Variants in ITSN1 observed in about 807,000 individuals in gnomAD.
The protein encoded by ITSN1 is intersectin 1, also known as intersectin-1.
ITSN1 carries 58 observed loss-of-function variants against 239.8 expected under a neutral mutation model. That is an observed-to-expected ratio of 0.24 (90% CI 0.20 to 0.30). ITSN1 has a LOEUF of 0.30. ITSN1 is among the 10% of genes least tolerant of loss of function. The probability of loss-of-function intolerance (pLI) is 1.00; values close to 1 mark genes in which losing one functional copy is unlikely to be tolerated. For missense variants in ITSN1, 1,558 were observed against 2,103.3 expected, an observed-to-expected ratio of 0.74 and a Z score of 5.07; for synonymous variants, 780 against 770.8, an observed-to-expected ratio of 1.01 and a Z score of -0.20.
chr21:33,716,548 A>G (rs1465515250), intron 1 of ITSN1: 1 of 152,160 alleles, frequency 6.6e-6, no homozygotes, highest in African/African-American at 2.4e-5. Context: ...AGGTGTCCCA[A>G]TGAAAAGGTA....
chr21:33,810,809 C>G, intron 20 of ITSN1, 166 bp from the exon 21 acceptor site: 2 of 826,512 alleles, frequency 2.4e-6, no homozygotes, highest in Non-Finnish European at 4.2e-6. Context: ...TTTTTTTCAG[C>G]ATTACTGCTT....
At chr21:33,766,774 A>G (rs1215222520) in intron 10 of ITSN1, among the ~76,000 whole-genome samples, 1 of 152,246 alleles carries the variant, frequency 6.6e-6, no homozygotes, top group Non-Finnish European at 1.5e-5. Context: ...CAGATAGCTG[A>G]GGCACTTTGC....
chr21:33,885,585 C>T, intron 38 of ITSN1, 63 bp downstream of exon 38: 1 of 1,222,320 alleles, frequency 8.2e-7, no homozygotes. Flanking sequence ...GGGTTCCCCA[C>T]ACCCCCACCT....
intron 1 of ITSN1, among the ~76,000 whole-genome samples, chr21:33,678,822 T>C (rs1004450444): frequency 6.6e-6 from 1 of 152,186 alleles, no homozygotes; most frequent in South Asian, 2.1e-4. Context: ...TAAGCGATTC[T>C]CCTGCCTCAG....
At chr21:33,783,310 A>G (rs1487298893) in intron 16 of ITSN1, among the ~76,000 whole-genome samples, 1 of 152,200 alleles carries the variant, frequency 6.6e-6, no homozygotes, top group East Asian at 1.9e-4. Context: ...ATAATAGTTG[A>G]CCTTTGGATT....
chr21:33,704,923 TAAAAA>T (rs55966725), intron 1 of ITSN1, among the ~76,000 whole-genome samples: 2 of 93,672 alleles, frequency 2.1e-5, no homozygotes, highest in African/African-American at 8.7e-5. Flanking sequence ...CCATCTCTAC[TAAAAA>T]AAAAAAAAAA....
At chr21:33,668,695 A>C (rs1184815275) in intron 1 of ITSN1, among the ~76,000 whole-genome samples, 1 of 151,878 alleles carries the variant, frequency 6.6e-6, no homozygotes, top group African/African-American at 2.4e-5. Flanking sequence ...ACCTCAAGAG[A>C]TTTTCTTTAC....
rs1014625660 is a variant in ITSN1 at position 33,897,008 on chromosome 21, G to A, written c.*8708G>A. On this transcript the variant is annotated 3_prime_UTR_variant, in exon 40 of 40. Coordinates refer to ENST00000381318, the MANE Select transcript of ITSN1 (RefSeq NM_003024.3). ...TTCCGGACTACGGGAAGTTCTGCAA[G>A]TGTTCTCCAGGGGCATTTCATTAAT... is the stretch of plus-strand genomic sequence containing the variant. 2 of 152,224 alleles carry A rather than the reference G, an allele frequency of 1.3e-5. No homozygotes were observed. The highest frequency in any genetic ancestry group is 4.8e-5 in the African/African-American group (2 of 41,452). 9.4% of individuals were successfully genotyped at this position (152,224 alleles called of 1,614,324 possible). A position where few individuals can be genotyped will look rare whatever the true frequency, so the allele number is the denominator to read the frequency against.
chr21:33,777,993 A>C (rs2069782041), intron 14 of ITSN1, among the ~76,000 whole-genome samples: 1 of 152,212 alleles, frequency 6.6e-6, no homozygotes, highest in South Asian at 2.1e-4. Flanking sequence ...ATGGGTGTTG[A>C]AATAGATCAT....
chr21:33,800,324 ATAC>A (rs552926870), intron 19 of ITSN1, among the ~76,000 whole-genome samples: 66 of 152,024 alleles, frequency 4.3e-4, no homozygotes, highest in African/African-American at 1.6e-3. Context: ...TGTATAATAT[ATAC>A]TAGTGTGCGT....
At chr21:33,827,245 GA>G (rs1309953537) in intron 26 of ITSN1, among the ~76,000 whole-genome samples, 1 of 151,900 alleles carries the variant, frequency 6.6e-6, no homozygotes, top group Non-Finnish European at 1.5e-5. Flanking sequence ...CCAAAAAATA[GA>G]AAAATTAGCC....
chr21:33,667,768 A>G (rs1177722301), intron 1 of ITSN1, among the ~76,000 whole-genome samples: 2 of 152,228 alleles, frequency 1.3e-5, no homozygotes, highest in Non-Finnish European at 2.9e-5. Flanking sequence ...TGTTCACAGT[A>G]TGCGATCTAT....
intron 5 of ITSN1, among the ~76,000 whole-genome samples, chr21:33,749,647 A>T (rs918147596): frequency 6.6e-6 from 1 of 152,022 alleles, no homozygotes; most frequent in African/African-American, 2.4e-5. Context: ...ATCTCAAAAA[A>T]AAAAAGAAAA....
chr21:33,807,359 ACC>A (rs1306803895), intron 20 of ITSN1, among the ~76,000 whole-genome samples: 2 of 152,118 alleles, frequency 1.3e-5, no homozygotes, highest in African/African-American at 4.8e-5. Context: ...CCAGATGTCC[ACC>A]AGTGTCTCGC....
chr21:33,782,691 T>G (rs1328346597), intron 16 of ITSN1, among the ~76,000 whole-genome samples: 1 of 152,216 alleles, frequency 6.6e-6, no homozygotes, highest in African/African-American at 2.4e-5. Context: ...TTTTCAGATT[T>G]GGTGTTTCTG....
In ITSN1 at chr21:33,897,009, T is replaced by A. The variant is rs1986822376; in HGVS notation, c.*8709T>A. ...TCCGGACTACGGGAAGTTCTGCAAG[T>A]GTTCTCCAGGGGCATTTCATTAATA... On this transcript the variant is annotated 3_prime_UTR_variant, in exon 40 of 40. Coordinates refer to ENST00000381318, the MANE Select transcript of ITSN1 (RefSeq NM_003024.3). 1 of 152,230 alleles carries A rather than the reference T, an allele frequency of 6.6e-6. No individual in the cohort carries two copies. The highest frequency in any genetic ancestry group is 2.1e-4 in the South Asian group (1 of 4,830). 9.4% of individuals were successfully genotyped at this position (152,230 alleles called of 1,614,324 possible).
At chr21:33,816,668 G>C (rs1204996955) in intron 22 of ITSN1, among the ~76,000 whole-genome samples, 1 of 152,168 alleles carries the variant, frequency 6.6e-6, no homozygotes, top group East Asian at 1.9e-4. Flanking sequence ...GGGCACAGTT[G>C]AAAGGCCAAC....
At chr21:33,792,713 C>T (rs2071237208) in intron 16 of ITSN1, among the ~76,000 whole-genome samples, 1 of 152,122 alleles carries the variant, frequency 6.6e-6, no homozygotes, top group South Asian at 2.1e-4. Flanking sequence ...CATTGCTTTC[C>T]AGTCTTAGCC....
chr21:33,686,922 T>C (rs1640450959), intron 1 of ITSN1, among the ~76,000 whole-genome samples: 1 of 152,166 alleles, frequency 6.6e-6, no homozygotes, highest in South Asian at 2.1e-4. Context: ...TTGGGTGGTT[T>C]TGTTTGTCAG....
Sources: allele counts gnomAD v4.1 joint callset (sites outside exome capture counted in the v4.1 genomes callset), GRCh38; gene constraint gnomAD v4.1.1; transcripts MANE v1.5; gene names NCBI Gene and HGNC (gene_info 2026-07-23, HGNC 2026-07-21).